KDM4C: variants seen among roughly 807,000 people sequenced by gnomAD.
KDM4C encodes lysine-specific demethylase 4C.
A neutral mutation model predicts 129.3 loss-of-function variants in KDM4C; 81 were observed. That is an observed-to-expected ratio of 0.63 (90% CI 0.52 to 0.75). The LOEUF is 0.75. Ranked by LOEUF, KDM4C falls within the 30% of genes least tolerant of loss-of-function variation. KDM4C has a pLI of 0.00. For synonymous variants in KDM4C, 573 were observed against 456.1 expected (o/e 1.26, Z -3.26); for missense variants, 1,457 against 1,304.0 (o/e 1.12, Z -1.81).
chr9:7,002,682 A>AT (rs1188915647), intron 12 of KDM4C, among the ~76,000 whole-genome samples: 1 of 152,118 alleles, frequency 6.6e-6, no homozygotes, highest in Non-Finnish European at 1.5e-5. Context: ...GTTTCCTCCT[A>AT]TTTGTTGTAC....
chr9:7,119,041 G>A lies in KDM4C; in HGVS notation c.2611-9025G>A, dbSNP rs185225965. On this transcript the variant is annotated intron_variant, in intron 18 of 21. Transcript: ENST00000381309. Reference sequence around the variant, plus strand: ...TGGTCTCTGTCAAAAACTCAGTGGGGAGAAATGATATTTAAGAATGCAGTG... The same window carrying A: ...TGGTCTCTGTCAAAAACTCAGTGGGAAGAAATGATATTTAAGAATGCAGTG... 1.1e-3 allele frequency among the ~76,000 whole-genome samples: 164 copies of A among 152,250 alleles called. 1 individual carries two copies. Among genetic ancestry groups the A allele is most frequent in the African/African-American group, 3.7e-3 (154 of 41,548 alleles).
chr9:6,869,597 A>G (rs1389768013), intron 5 of KDM4C, among the ~76,000 whole-genome samples: 1 of 152,236 alleles, frequency 6.6e-6, no homozygotes, highest in African/African-American at 2.4e-5. Flanking sequence ...GCAGATCCTA[A>G]GGGCAGTGCT....
intron 8 of KDM4C, among the ~76,000 whole-genome samples, chr9:6,905,139 TA>T (rs1241681670): frequency 6.6e-6 from 1 of 152,216 alleles, no homozygotes; most frequent in East Asian, 1.9e-4. Flanking sequence ...TCATCTATAT[TA>T]AAAAATTAAA....
At chr9:7,086,342 G>A (rs1360336308) in intron 17 of KDM4C, among the ~76,000 whole-genome samples, 3 of 152,046 alleles carry the variant, frequency 2.0e-5, no homozygotes, top group East Asian at 3.9e-4. Flanking sequence ...AGTGATTGCC[G>A]CAACACCAGC....
At chr9:6,778,149 G>A (rs1354240288) in intron 1 of KDM4C, among the ~76,000 whole-genome samples, 3 of 151,358 alleles carry the variant, frequency 2.0e-5, no homozygotes, top group Non-Finnish European at 4.4e-5. Flanking sequence ...GAGTGCAGTG[G>A]CATGATCTCG....
rs183023987 is a variant in KDM4C, at chr9:6,975,049, G to T, written c.922-5876G>T. On this transcript the variant is annotated intron_variant, in intron 8 of 21. Transcript: ENST00000381309. ...CCTTCTTTTTGCATAGTTTTTCTTTGTCTATTTGAACAGTGCTCTCATGGG... is the reference window on the plus strand; with the variant it reads ...CCTTCTTTTTGCATAGTTTTTCTTTTTCTATTTGAACAGTGCTCTCATGGG... 2.0e-5 allele frequency: 3 copies of T among 152,244 alleles called. No homozygotes were observed. In the East Asian group the frequency reaches 5.8e-4, roughly 29 times the overall value. The allele number at this position is 152,244 out of a possible 1,614,324, so 9.4% of individuals were successfully genotyped here.
intron 15 of KDM4C, among the ~76,000 whole-genome samples, chr9:7,033,532 A>G (rs987800161): frequency 3.9e-5 from 6 of 152,198 alleles, no homozygotes; most frequent in Non-Finnish European, 7.3e-5. Flanking sequence ...ACATAAGAGG[A>G]TATCAGTTAT....
At chr9:6,763,152 C>T (rs1819917261) in intron 1 of KDM4C, among the ~76,000 whole-genome samples, 1 of 152,196 alleles carries the variant, frequency 6.6e-6, no homozygotes, top group South Asian at 2.1e-4. Flanking sequence ...GAAGCCTATC[C>T]CCCCTGCTCC....
chr9:6,808,690 T>TAAAAAA (rs908471656), intron 3 of KDM4C, among the ~76,000 whole-genome samples: 7 of 63,796 alleles, frequency 1.1e-4, no homozygotes, highest in South Asian at 4.7e-4. Context: ...GAATTATCAA[T>TAAAAAA]AAAAAAAAAA....
chr9:6,789,899 G>T (rs1024680296), intron 1 of KDM4C, among the ~76,000 whole-genome samples: 1 of 151,942 alleles, frequency 6.6e-6, no homozygotes, highest in Non-Finnish European at 1.5e-5. Flanking sequence ...CCTTTGGATT[G>T]TAAGTTCCTA....
chr9:7,023,000 C>T (rs528894772), intron 15 of KDM4C, among the ~76,000 whole-genome samples: 1 of 152,168 alleles, frequency 6.6e-6, no homozygotes, highest in Non-Finnish European at 1.5e-5. Flanking sequence ...ATAAATCCCA[C>T]TTGGTCATGA....
rs988622053 is a variant in KDM4C at position 7,046,852 on chromosome 9, T to C, written c.2260-10T>C. The C allele has an allele frequency of 2.5e-6, 4 of 1,601,168 alleles. No homozygotes were observed. Among genetic ancestry groups the C allele is most frequent in the East Asian group, 2.2e-5 (1 of 44,754 alleles). On this transcript the variant is annotated splice_polypyrimidine_tract_variant and intron_variant, in intron 15 of 21. Coordinates refer to ENST00000381309, the MANE Select transcript of KDM4C (RefSeq NM_015061.6). Reference sequence around the variant, plus strand: ...TCTGGTCATCATGTGGTATTTTCTTTTCCCCCCAGGAATGCTGTCTCTGCA... The same window carrying C: ...TCTGGTCATCATGTGGTATTTTCTTCTCCCCCCAGGAATGCTGTCTCTGCA...
At chr9:6,750,294 C>T (rs1044884319) in intron 1 of KDM4C, among the ~76,000 whole-genome samples, 1 of 151,922 alleles carries the variant, frequency 6.6e-6, no homozygotes, top group African/African-American at 2.4e-5. Flanking sequence ...CAAAAATTAT[C>T]TGGGCATGGT....
At chr9:6,912,821 G>T (rs920106649) in intron 8 of KDM4C, among the ~76,000 whole-genome samples, 1 of 152,130 alleles carries the variant, frequency 6.6e-6, no homozygotes. Context: ...GTGTTACCAT[G>T]TGTGTTTTTT....
At chr9:7,150,442 A>T (rs1202603709) in intron 19 of KDM4C, among the ~76,000 whole-genome samples, 1 of 152,190 alleles carries the variant, frequency 6.6e-6, no homozygotes, top group Non-Finnish European at 1.5e-5. Context: ...ACAGTCACAC[A>T]CAGTGCCTTG....
intron 9 of KDM4C, chr9:6,981,809 C>T (rs1289131810): frequency 3.9e-6 from 1 of 253,236 alleles, no homozygotes; most frequent in Non-Finnish European, 9.5e-6. Context: ...GTTAAATTTT[C>T]CTCTTCAATA....
intron 1 of KDM4C, chr9:6,727,275 A>G (rs1018116588): frequency 2.7e-5 from 4 of 150,746 alleles, no homozygotes; most frequent in Admixed American, 1.3e-4. Flanking sequence ...ACATGGAGAA[A>G]CCCCGTCTCT....
chr9:6,894,473 G>T (rs1389664582), intron 8 of KDM4C, among the ~76,000 whole-genome samples: 1 of 152,200 alleles, frequency 6.6e-6, no homozygotes, highest in Non-Finnish European at 1.5e-5. Context: ...CTGCCTTGAA[G>T]CAGTGTCTTG....
At position 6,838,330 on chromosome 9, in the gene KDM4C, G is replaced by A. The variant is rs1042154388; in HGVS notation, c.436-11177G>A. On this transcript the variant is annotated intron_variant, in intron 4 of 21. Coordinates refer to ENST00000381309, the MANE Select transcript of KDM4C (RefSeq NM_015061.6). Reference sequence around the variant, plus strand: ...TCTCTGCAGTGTTGGCTTTCTTCCCGGTATGCACAGTGATCTTTGCTTGTA... The same window carrying A: ...TCTCTGCAGTGTTGGCTTTCTTCCCAGTATGCACAGTGATCTTTGCTTGTA... Among the ~76,000 whole-genome samples, 5 of 152,030 alleles carry A rather than the reference G, an allele frequency of 3.3e-5. 1 individual carries two copies. Among genetic ancestry groups the A allele is most frequent in the Admixed American group, 1.3e-4 (2 of 15,240 alleles).
Sources: gnomAD v4.1 joint callset for allele counts (sites outside exome capture counted in the v4.1 genomes callset) on GRCh38, gnomAD v4.1.1 for gene constraint, MANE v1.5 for transcripts, NCBI Gene and HGNC (gene_info 2026-07-23, HGNC 2026-07-21) for gene names.